The following FBXL20 variants were observed in gnomAD, a reference collection of about 807,000 sequenced individuals.
The protein encoded by FBXL20 is F-box and leucine rich repeat protein 20, also known as F-box/LRR-repeat protein 20.
FBXL20 carries 11 observed loss-of-function variants against 64.0 expected under a neutral mutation model. That is an observed-to-expected ratio of 0.17 (90% CI 0.11 to 0.28). The LOEUF is 0.28. Ranked by LOEUF, FBXL20 falls within the 10% of genes least tolerant of loss-of-function variation. The pLI, the probability that FBXL20 is intolerant of heterozygous loss-of-function variation, is 1.00. For synonymous variants in FBXL20, 184 were observed against 189.0 expected, an observed-to-expected ratio of 0.97 and a Z score of 0.22; for missense variants, 303 against 526.2, an observed-to-expected ratio of 0.58 and a Z score of 4.15.
At chr17:39,270,219 CTTAATCTA>C (rs1240891132) in intron 11 of FBXL20, among the ~76,000 whole-genome samples, 1 of 152,134 alleles carries the variant, frequency 6.6e-6, no homozygotes. Context: ...GAAGCACCTG[CTTAATCTA>C]TTAGCTTATG....
At chr17:39,358,003 A>G (rs2047758660) in intron 1 of FBXL20, among the ~76,000 whole-genome samples, 1 of 152,208 alleles carries the variant, frequency 6.6e-6, no homozygotes, top group Non-Finnish European at 1.5e-5. Context: ...TCTCATACAT[A>G]TGCATATGAA....
intron 1 of FBXL20, among the ~76,000 whole-genome samples, chr17:39,380,800 T>C: frequency 6.6e-6 from 1 of 152,128 alleles, no homozygotes; most frequent in East Asian, 1.9e-4. Context: ...GCTGACTGAA[T>C]TAGTGATGAG....
At chr17:39,400,635 T>C (rs2144695718) in intron 1 of FBXL20, among the ~76,000 whole-genome samples, 1 of 152,304 alleles carries the variant, frequency 6.6e-6, no homozygotes, top group Non-Finnish European at 1.5e-5. Flanking sequence ...TAAAGACGCT[T>C]TCAAGACCGT....
At position 39,301,028 on chromosome 17, in the gene FBXL20, G is replaced by A; in HGVS notation, c.207C>T (p.Asp69=). ...CAATATCCCTCTGGAAATCAAATAG[G>A]TCAATTCGCTGCCAGTTACTGCCAT... The part of the protein sequence containing the change: ...ALDGSNWQRI[D]LFDFQRDIEG... Residue 69 remains aspartate, a synonymous_variant, in exon 4 of 15, where the codon GAC becomes GAT. Transcript: ENST00000264658. The A allele has an allele frequency of 6.2e-7, 1 of 1,613,866 alleles. No individual in the cohort carries two copies. The highest frequency in any genetic ancestry group is 8.5e-7 in the Non-Finnish European group (1 of 1,179,982).
chr17:39,348,785 G>A (rs567267131), intron 1 of FBXL20, among the ~76,000 whole-genome samples: 2 of 152,214 alleles, frequency 1.3e-5, no homozygotes, highest in South Asian at 2.1e-4. Flanking sequence ...CTGCAGCCTT[G>A]ACCTCCGGAC....
intron 1 of FBXL20, among the ~76,000 whole-genome samples, chr17:39,353,378 C>T (rs1452330451): frequency 6.6e-6 from 1 of 152,120 alleles, no homozygotes; most frequent in Non-Finnish European, 1.5e-5. Flanking sequence ...GTAAAAGAGA[C>T]ATTCACACAA....
intron 1 of FBXL20, among the ~76,000 whole-genome samples, chr17:39,374,907 C>T (rs930162990): frequency 6.6e-6 from 1 of 152,172 alleles, no homozygotes; most frequent in African/African-American, 2.4e-5. Flanking sequence ...CTGCCTCAGC[C>T]TCCCGAGCAG....
intron 9 of FBXL20, among the ~76,000 whole-genome samples, chr17:39,276,347 GAAGA>G (rs1291820658): frequency 6.8e-6 from 1 of 147,750 alleles, no homozygotes; most frequent in East Asian, 2.1e-4. Flanking sequence ...GGAAGGAAGA[GAAGA>G]AAGAAAGGAA....
chr17:39,375,726 AAGG>A (rs2144644500), intron 1 of FBXL20, among the ~76,000 whole-genome samples: 1 of 152,314 alleles, frequency 6.6e-6, no homozygotes, highest in African/African-American at 2.4e-5. Context: ...GCAATAACCC[AAGG>A]AGTTTTCATT....
chr17:39,371,746 C>T (rs923829251), intron 1 of FBXL20, among the ~76,000 whole-genome samples: 3 of 151,792 alleles, frequency 2.0e-5, no homozygotes, highest in South Asian at 2.1e-4. Flanking sequence ...CCACAACCTC[C>T]GCCTCCTGGG....
intron 2 of FBXL20, among the ~76,000 whole-genome samples, chr17:39,327,660 TA>T (rs993764870): frequency 5.3e-5 from 8 of 151,970 alleles, no homozygotes; most frequent in African/African-American, 1.9e-4. Context: ...AAGGAGACTT[TA>T]AAAAAAATAC....
intron 2 of FBXL20, among the ~76,000 whole-genome samples, chr17:39,337,885 C>G (rs1416871077): frequency 1.3e-5 from 2 of 151,318 alleles, no homozygotes; most frequent in African/African-American, 4.9e-5. Context: ...AGGCCCCGCC[C>G]GGCCAGCCAC....
intron 1 of FBXL20, among the ~76,000 whole-genome samples, chr17:39,397,996 G>A (rs962422932): frequency 1.4e-5 from 2 of 147,260 alleles, no homozygotes; most frequent in Admixed American, 6.8e-5. Context: ...AGCCGGGTGC[G>A]GTGGCTCACG....
chr17:39,304,606 T>C (rs572510032), intron 2 of FBXL20, among the ~76,000 whole-genome samples: 10 of 152,210 alleles, frequency 6.6e-5, no homozygotes, highest in African/African-American at 2.4e-4. Flanking sequence ...GATTTTTTTA[T>C]TTGAAACAAG....
chr17:39,396,551 G>A (rs1352974170), intron 1 of FBXL20, among the ~76,000 whole-genome samples: 2 of 145,372 alleles, frequency 1.4e-5, no homozygotes, highest in Non-Finnish European at 3.0e-5. Flanking sequence ...AGCCAAGATC[G>A]CACCATTGCA....
intron 4 of FBXL20, among the ~76,000 whole-genome samples, chr17:39,299,442 A>AT (rs1447205996): frequency 3.3e-5 from 5 of 152,186 alleles, no homozygotes; most frequent in African/African-American, 7.2e-5. Flanking sequence ...CAAAATGTTT[A>AT]TTATAGTACT....
At chr17:39,272,678 G>A (rs2046855162) in intron 10 of FBXL20, among the ~76,000 whole-genome samples, 1 of 136,982 alleles carries the variant, frequency 7.3e-6, no homozygotes, top group Admixed American at 7.9e-5. Context: ...CTCCAGCCTG[G>A]GCAACAGAGC....
chr17:39,380,212 C>G (rs1051734227), intron 1 of FBXL20, among the ~76,000 whole-genome samples: 3 of 152,090 alleles, frequency 2.0e-5, no homozygotes, highest in African/African-American at 7.2e-5. Flanking sequence ...GAAAACAGAA[C>G]ACAATTCAAA....
chr17:39,324,447 C>T (rs769175564), intron 2 of FBXL20, among the ~76,000 whole-genome samples: 13 of 151,878 alleles, frequency 8.6e-5, no homozygotes, highest in Non-Finnish European at 5.9e-5. Flanking sequence ...TGCCACCACA[C>T]CCGGCTAATT....
Sources: gnomAD v4.1 joint callset for allele counts (sites outside exome capture counted in the v4.1 genomes callset) on GRCh38, gnomAD v4.1.1 for gene constraint, MANE v1.5 for transcripts, NCBI Gene and HGNC (gene_info 2026-07-23, HGNC 2026-07-21) for gene names.